FGD4: variants seen among roughly 807,000 people sequenced by gnomAD.
FGD4 encodes FYVE, RhoGEF and PH domain containing 4.
A neutral mutation model predicts 102.0 loss-of-function variants in FGD4; 42 were observed. The observed-to-expected ratio is 0.41, with a 90% CI of 0.32 to 0.53. FGD4 has a LOEUF of 0.53. Among genes scored for constraint, FGD4 ranks in the 20% least tolerant of loss-of-function variants. The pLI, the probability that FGD4 is intolerant of heterozygous loss-of-function variation, is 0.21. For missense variants in FGD4, 902 were observed against 1,078.2 expected (o/e 0.84, Z 2.29); for synonymous variants, 380 against 375.7 (o/e 1.01, Z -0.13).
At chr12:32,605,681 C>T (rs1320438107) in intron 7 of FGD4, among the ~76,000 whole-genome samples, 1 of 152,184 alleles carries the variant, frequency 6.6e-6, no homozygotes, top group Non-Finnish European at 1.5e-5. Flanking sequence ...TTAGGCCTTA[C>T]ATAGAGTAGA....
At chr12:32,534,625 C>G (rs755976312) in intron 1 of FGD4, 12 of 536,652 alleles carry the variant, frequency 2.2e-5, no homozygotes, top group Non-Finnish European at 3.0e-5. Context: ...ATAAAGCTCA[C>G]ATTGGTTTTC....
chr12:32,524,950 A>G (rs559125608), intron 1 of FGD4, among the ~76,000 whole-genome samples: 2 of 152,382 alleles, frequency 1.3e-5, no homozygotes, highest in South Asian at 4.1e-4. Flanking sequence ...GTTGTTCAGT[A>G]TGAAATATCT....
intron 1 of FGD4, among the ~76,000 whole-genome samples, chr12:32,490,853 A>G (rs1944063017): frequency 6.6e-6 from 1 of 152,156 alleles, no homozygotes; most frequent in Admixed American, 6.5e-5. Flanking sequence ...ATTTCTTTCT[A>G]CTAAAAATCA....
intron 10 of FGD4, among the ~76,000 whole-genome samples, chr12:32,612,581 G>A (rs1949212005): frequency 1.3e-5 from 2 of 151,734 alleles, no homozygotes; most frequent in African/African-American, 4.9e-5. Flanking sequence ...TGATACTTTC[G>A]GAAATCCTCC....
chr12:32,568,255 A>C lies in FGD4; in HGVS notation c.319+3966A>C, dbSNP rs116749981. The stretch of plus-strand genomic sequence containing the variant: ...GAAAGAAAGATAAATTTTAGATTAG[A>C]GATTGGATAAACTTGCATTTGGATC... On this transcript the variant is annotated intron_variant, in intron 2 of 16. Coordinates refer to ENST00000534526, the MANE Select transcript of FGD4 (RefSeq NM_001370298.3). Among the ~76,000 whole-genome samples, 801 of 152,380 alleles carry C rather than the reference A, an allele frequency of 5.3e-3. 7 individuals are homozygous for C. Among genetic ancestry groups the C allele is most frequent in the African/African-American group, 0.018 (743 of 41,588 alleles).
chr12:32,535,700 T>A (rs924277355), intron 1 of FGD4, among the ~76,000 whole-genome samples: 2 of 152,174 alleles, frequency 1.3e-5, no homozygotes. Context: ...CAGTGAAGTT[T>A]TAGGTTCTCT....
chr12:32,552,728 A>G (rs1230275950), intron 1 of FGD4, among the ~76,000 whole-genome samples: 3 of 151,876 alleles, frequency 2.0e-5, no homozygotes, highest in Non-Finnish European at 4.4e-5. Context: ...ACAGCATGCC[A>G]AGGTACAGCA....
intron 1 of FGD4, among the ~76,000 whole-genome samples, chr12:32,430,759 TGA>T (rs1446443380): frequency 7.9e-5 from 12 of 152,204 alleles, no homozygotes; most frequent in African/African-American, 2.9e-4. Flanking sequence ...AAAAATTGAG[TGA>T]GAGTATTCAC....
At chr12:32,633,217 G>T (rs1950593879) in intron 14 of FGD4, among the ~76,000 whole-genome samples, 1 of 108,526 alleles carries the variant, frequency 9.2e-6, no homozygotes, top group Non-Finnish European at 1.9e-5. Flanking sequence ...GACCGGGTTG[G>T]GAGGAGGGGG....
intron 4 of FGD4, among the ~76,000 whole-genome samples, chr12:32,584,921 TGAAA>T (rs984494321): frequency 4.6e-5 from 7 of 151,876 alleles, no homozygotes; most frequent in African/African-American, 1.7e-4. Flanking sequence ...GGATAGGGAA[TGAAA>T]GAAAGGAGAG....
chr12:32,627,931 C>A (rs1950274132), intron 14 of FGD4, among the ~76,000 whole-genome samples: 1 of 151,886 alleles, frequency 6.6e-6, no homozygotes, highest in Non-Finnish European at 1.5e-5. Flanking sequence ...TGTATGGTAG[C>A]GGACATCTTG....
At chr12:32,611,379 G>T in intron 10 of FGD4, 96 bp downstream of exon 10, 1 of 1,423,352 alleles carries the variant, frequency 7.0e-7, no homozygotes, top group South Asian at 1.2e-5. Flanking sequence ...ACTTTGGGAG[G>T]CCGAGGCGAG....
intron 6 of FGD4, 73 bp downstream of exon 6, chr12:32,601,496 GA>G: frequency 3.3e-6 from 5 of 1,515,332 alleles, no homozygotes; most frequent in Non-Finnish European, 4.4e-6. Flanking sequence ...AATTGAAATA[GA>G]AATGCCACAC....
chr12:32,429,346 A>G (rs1368229157), intron 1 of FGD4, among the ~76,000 whole-genome samples: 3 of 152,172 alleles, frequency 2.0e-5, no homozygotes, highest in Non-Finnish European at 4.4e-5. Context: ...CCTGGGTATC[A>G]CCAGTGGAGG....
chr12:32,474,081 C>T (rs1265501217), intron 1 of FGD4, among the ~76,000 whole-genome samples: 2 of 149,362 alleles, frequency 1.3e-5, no homozygotes, highest in Non-Finnish European at 3.0e-5. Context: ...GTGCGAGACT[C>T]TGTCTCAAAA....
Position 32,485,843 on chromosome 12 carries a change from A to G in FGD4, c.167-78294A>G, listed in dbSNP as rs533515570. On this transcript the variant is annotated intron_variant, in intron 1 of 16. Coordinates refer to ENST00000534526, the MANE Select transcript of FGD4 (RefSeq NM_001370298.3). ...TCATACTTCCTAGTCCACCCCCGGTATTCTAGAGCTCTCTCAGTACATTTT... is the reference window on the plus strand; with the variant it reads ...TCATACTTCCTAGTCCACCCCCGGTGTTCTAGAGCTCTCTCAGTACATTTT... 5.0e-6 allele frequency: 6 copies of G among 1,202,256 alleles called. No homozygotes were observed. The East Asian group carries it at 1.1e-4, about 22-fold the overall frequency. The allele number at this position is 1,202,256 out of a possible 1,614,324, so 74.5% of individuals were successfully genotyped here. A position where few individuals can be genotyped will look rare whatever the true frequency, so the allele number is the denominator to read the frequency against.
intron 1 of FGD4, among the ~76,000 whole-genome samples, chr12:32,462,193 T>C (rs77685365): frequency 0.038 from 5,754 of 152,180 alleles, 164 homozygotes; most frequent in South Asian, 0.12. Context: ...TCACAGCTTG[T>C]TCTGTGGTTT....
chr12:32,590,271 T>G (rs1018120462), intron 4 of FGD4, among the ~76,000 whole-genome samples: 2 of 136,232 alleles, frequency 1.5e-5, no homozygotes, highest in Non-Finnish European at 3.0e-5. Flanking sequence ...GATCGCGCCA[T>G]CGCACTCCAG....
At chr12:32,528,261 C>T (rs989919891) in intron 1 of FGD4, among the ~76,000 whole-genome samples, 5 of 152,136 alleles carry the variant, frequency 3.3e-5, no homozygotes, top group African/African-American at 4.8e-5. Context: ...TTAACAGTAC[C>T]GAGTTGTCAC....
Sources: allele counts gnomAD v4.1 joint callset (sites outside exome capture counted in the v4.1 genomes callset), GRCh38; gene constraint gnomAD v4.1.1; transcripts MANE v1.5; gene names NCBI Gene and HGNC (gene_info 2026-07-23, HGNC 2026-07-21).